Variants in MYO5C observed in about 807,000 individuals in gnomAD.
The protein encoded by MYO5C is unconventional myosin-Vc.
In MYO5C, 194 loss-of-function variants were observed where a neutral mutation model predicts 235.7. That is an observed-to-expected ratio of 0.82 (90% confidence interval 0.73 to 0.93). The LOEUF (loss-of-function observed/expected upper bound fraction) is 0.93. MYO5C is among the 40% of genes least tolerant of loss of function. The pLI is 0.00. For missense variants in MYO5C, 2,038 were observed against 2,127.2 expected (o/e 0.96, Z 0.82); for synonymous variants, 707 against 754.8 (o/e 0.94, Z 1.04).
rs775479835 is a variant in MYO5C at position 52,256,587 on chromosome 15, ACG to A, written c.1395+50_1395+51del. On this transcript the variant is annotated intron_variant, in intron 11 of 40. Transcript: ENST00000261839. ...AACACACACACACACACACACACAC[ACG>A]CGCGCGCGCGCGGCTGAGAACTAGT... 2.6e-3 allele frequency: 1,487 copies of A among 567,616 alleles called. 22 individuals carry two copies. Among genetic ancestry groups the A allele is most frequent in the African/African-American group, 8.4e-3 (426 of 50,972 alleles). The allele number at this position is 567,616 out of a possible 1,614,324, so 35.2% of individuals were successfully genotyped here.
At chr15:52,291,240 G>A (rs889117008) in intron 1 of MYO5C, among the ~76,000 whole-genome samples, 1 of 152,222 alleles carries the variant, frequency 6.6e-6, no homozygotes, top group African/African-American at 2.4e-5. Context: ...GCATCAAGGT[G>A]TGAAAATTCA....
chr15:52,233,311 AAAAT>A (rs1566972118), intron 23 of MYO5C, among the ~76,000 whole-genome samples: 2 of 12,752 alleles, frequency 1.6e-4, no homozygotes, highest in East Asian at 4.4e-4. Context: ...AAAAAAAAAA[AAAAT>A]AAATAAATAA....
At chr15:52,269,546 C>T (rs1021079572) in intron 8 of MYO5C, among the ~76,000 whole-genome samples, 6 of 151,926 alleles carry the variant, frequency 3.9e-5, no homozygotes, top group Admixed American at 2.0e-4. Flanking sequence ...GCACCCGCCA[C>T]CACGCCTGGC....
At chr15:52,224,141 G>C (rs1389190688) in intron 28 of MYO5C, among the ~76,000 whole-genome samples, 1 of 152,150 alleles carries the variant, frequency 6.6e-6, no homozygotes, top group Admixed American at 6.5e-5. Flanking sequence ...AAATTAGCCA[G>C]GTGTGGTAGC....
In MYO5C at chr15:52,267,869, G is replaced by A. The variant is rs141709762; in HGVS notation, c.940+1884C>T. 3.3e-5 allele frequency among the ~76,000 whole-genome samples: 5 copies of A among 152,154 alleles called. No individual in the cohort carries two copies. The East Asian group carries it at 9.7e-4, about 29-fold the overall frequency. On this transcript the variant is annotated intron_variant, in intron 8 of 40. Transcript: ENST00000261839. ...GGGAGATGAGGGTGGGCAGGGCAGG[G>A]CATATCCTTCAGCCCAGCCAGAGCT...
chr15:52,202,146 A>G (rs927948627), intron 38 of MYO5C, among the ~76,000 whole-genome samples: 7 of 152,114 alleles, frequency 4.6e-5, no homozygotes, highest in African/African-American at 1.7e-4. Flanking sequence ...CTCCGTTTCT[A>G]CAAAAATGGC....
intron 37 of MYO5C, chr15:52,205,459 A>C: frequency 2.8e-6 from 1 of 354,440 alleles, no homozygotes; most frequent in Non-Finnish European, 5.1e-6. Flanking sequence ...TAAAGTATTT[A>C]AATTTCAGGA....
intron 12 of MYO5C, among the ~76,000 whole-genome samples, chr15:52,252,527 G>T (rs960083764): frequency 2.6e-5 from 4 of 151,650 alleles, no homozygotes; most frequent in African/African-American, 9.7e-5. Flanking sequence ...TGTAATCCCA[G>T]CACTTTGGGA....
Position 52,233,290 on chromosome 15 carries a change from A to T in MYO5C, c.2963-605T>A, listed in dbSNP as rs1242175240. Among the ~76,000 whole-genome samples the T allele has an allele frequency of 4.9e-4, 6 of 12,308 alleles. 2 individuals carry two copies. The highest frequency in any genetic ancestry group is 2.8e-3 in the East Asian group (6 of 2,154). 8.1% of individuals were successfully genotyped at this position (12,308 alleles called of 152,430 possible). On this transcript the variant is annotated intron_variant, in intron 23 of 40. Coordinates refer to ENST00000261839, the MANE Select transcript of MYO5C (RefSeq NM_018728.4). ...CGAGACTCCGTCTCAAAAAAAAAAA[A>T]AAAAAAATTAAAAAAAAAAAAAAAT...
intron 40 of MYO5C, 26 bp downstream of exon 40, chr15:52,195,351 A>T: frequency 6.6e-7 from 1 of 1,510,916 alleles, no homozygotes; most frequent in Non-Finnish European, 9.1e-7. Context: ...AAGTAAAATT[A>T]AAAGGCACAT....
At chr15:52,260,314 G>A (rs1218536612) in intron 10 of MYO5C, among the ~76,000 whole-genome samples, 1 of 152,220 alleles carries the variant, frequency 6.6e-6, no homozygotes, top group East Asian at 1.9e-4. Context: ...TAGGGGGGTG[G>A]TTGATCAGAG....
intron 22 of MYO5C, chr15:52,237,098 C>A (rs1040794863): frequency 1.3e-5 from 2 of 155,680 alleles, no homozygotes; most frequent in Non-Finnish European, 2.8e-5. Flanking sequence ...GAGATGAAAA[C>A]CCTACCCTAG....
chr15:52,293,348 C>T (rs187465775), intron 1 of MYO5C, among the ~76,000 whole-genome samples: 3 of 152,266 alleles, frequency 2.0e-5, no homozygotes, highest in Admixed American at 6.5e-5. Flanking sequence ...TCTGCCTTCT[C>T]CCACCTTGGT....
At chr15:52,219,671 G>T in intron 31 of MYO5C, 88 bp downstream of exon 31, 1 of 1,023,732 alleles carries the variant, frequency 9.8e-7, no homozygotes, top group Non-Finnish European at 1.5e-6. Flanking sequence ...TTGCTTTTTG[G>T]CATTAGTAAC....
intron 21 of MYO5C, 151 bp downstream of exon 21, chr15:52,239,582 G>A: frequency 4.1e-6 from 3 of 730,266 alleles, no homozygotes; most frequent in South Asian, 2.1e-5. Flanking sequence ...ACCCTTTACA[G>A]TGTACTTCTG....
chr15:52,209,205 A>G (rs1373587144), intron 35 of MYO5C, among the ~76,000 whole-genome samples: 2 of 152,168 alleles, frequency 1.3e-5, no homozygotes, highest in Admixed American at 1.3e-4. Flanking sequence ...AGAGGGGAAA[A>G]CAGAGAAAAT....
At chr15:52,253,067 C>T (rs896437810) in intron 12 of MYO5C, among the ~76,000 whole-genome samples, 1 of 152,236 alleles carries the variant, frequency 6.6e-6, no homozygotes, top group African/African-American at 2.4e-5. Flanking sequence ...CACTTTGGGA[C>T]AGCCTCCATG....
chr15:52,247,331 T>C, intron 15 of MYO5C, 127 bp downstream of exon 15: 1 of 1,112,200 alleles, frequency 9.0e-7, no homozygotes, highest in Non-Finnish European at 1.3e-6. Flanking sequence ...GTGGAGTCCA[T>C]GTTAGATTGG....
intron 28 of MYO5C, among the ~76,000 whole-genome samples, chr15:52,224,190 C>A (rs969375021): frequency 3.9e-5 from 6 of 151,986 alleles, no homozygotes; most frequent in African/African-American, 1.2e-4. Context: ...GGCTGAGGCA[C>A]GCAAATCGCT....
Sources: allele counts gnomAD v4.1 joint callset (sites outside exome capture counted in the v4.1 genomes callset), GRCh38; gene constraint gnomAD v4.1.1; transcripts MANE v1.5; gene names NCBI Gene and HGNC (gene_info 2026-07-23, HGNC 2026-07-21).